SLC49A4: variants seen among roughly 807,000 people sequenced by gnomAD.
The protein encoded by SLC49A4 is solute carrier family 49 member 4, also known as disrupted in renal cancer protein 2.
Under a neutral mutation model 50.6 loss-of-function variants are expected in SLC49A4, and 36 were observed. The observed-to-expected ratio is 0.71, with a 90% confidence interval of 0.55 to 0.94. The LOEUF (loss-of-function observed/expected upper bound fraction) is 0.94. Among genes scored for constraint, SLC49A4 ranks in the 40% least tolerant of loss-of-function variants. The probability of loss-of-function intolerance (pLI) is 0.00; values close to 1 mark genes in which losing one functional copy is unlikely to be tolerated. For synonymous variants in SLC49A4, 248 were observed against 241.2 expected (o/e 1.03, Z -0.26); for missense variants, 503 against 605.7 (o/e 0.83, Z 1.78).
chr3:122,858,173 C>A (rs1427689499), intron 6 of SLC49A4, among the ~76,000 whole-genome samples: 2 of 152,204 alleles, frequency 1.3e-5, no homozygotes, highest in African/African-American at 2.4e-5. Context: ...GATACTTCTT[C>A]GTCCTAATAA....
At chr3:122,810,077 T>C (rs1936278569) in intron 2 of SLC49A4, among the ~76,000 whole-genome samples, 1 of 152,186 alleles carries the variant, frequency 6.6e-6, no homozygotes, top group African/African-American at 2.4e-5. Context: ...CAAGTCTGTG[T>C]TTTTGTGGCC....
intron 7 of SLC49A4, among the ~76,000 whole-genome samples, chr3:122,869,056 T>C (rs1228405609): frequency 6.6e-6 from 1 of 152,222 alleles, no homozygotes; most frequent in Non-Finnish European, 1.5e-5. Context: ...TCTGAGCTAA[T>C]GAGCTCACAA....
intron 7 of SLC49A4, among the ~76,000 whole-genome samples, chr3:122,867,228 C>T (rs1230490051): frequency 1.3e-5 from 2 of 152,178 alleles, no homozygotes; most frequent in Admixed American, 6.5e-5. Flanking sequence ...TGTGCAGTCA[C>T]TTCCAGCTTT....
intron 2 of SLC49A4, among the ~76,000 whole-genome samples, chr3:122,824,258 G>T (rs79431266): frequency 0.033 from 5,012 of 152,312 alleles, 122 homozygotes; most frequent in Middle Eastern, 0.071. Flanking sequence ...GGCCTCCCAA[G>T]TTCAAGGACC....
intron 7 of SLC49A4, among the ~76,000 whole-genome samples, chr3:122,867,916 C>T (rs959857754): frequency 1.3e-5 from 2 of 148,540 alleles, no homozygotes; most frequent in Non-Finnish European, 3.0e-5. Flanking sequence ...GAGATCGAGA[C>T]CATCCTGGCT....
intron 4 of SLC49A4, among the ~76,000 whole-genome samples, chr3:122,842,332 A>G (rs1936782184): frequency 6.6e-6 from 1 of 151,940 alleles, no homozygotes; most frequent in African/African-American, 2.4e-5. Context: ...TAAAAATACA[A>G]AAAATTAACC....
rs1936162197 is a variant in SLC49A4 at position 122,803,401 on chromosome 3, A to T, written c.344-3456A>T. ...AGGTTTCTGGAGTTGAGGAGGTAGGAAGAAGAGATGAGGTCTCATTAGGGG... is the reference window on the plus strand; with the variant it reads ...AGGTTTCTGGAGTTGAGGAGGTAGGTAGAAGAGATGAGGTCTCATTAGGGG... On this transcript the variant is annotated intron_variant, in intron 1 of 8. Transcript: ENST00000261038. Among the ~76,000 whole-genome samples the T allele has an allele frequency of 2.0e-5, 3 of 152,316 alleles. 1 individual carries two copies. The South Asian group carries it at 6.2e-4, about 32-fold the overall frequency.
intron 2 of SLC49A4, among the ~76,000 whole-genome samples, chr3:122,808,635 T>G (rs1936256507): frequency 6.6e-6 from 1 of 152,150 alleles, no homozygotes; most frequent in South Asian, 2.1e-4. Flanking sequence ...CAGCTTTTTC[T>G]GAGCTAGGAA....
intron 2 of SLC49A4, among the ~76,000 whole-genome samples, chr3:122,824,655 C>T (rs1489857733): frequency 1.3e-5 from 2 of 149,216 alleles, no homozygotes; most frequent in Non-Finnish European, 1.5e-5. Context: ...TTCCCTCCCT[C>T]CCTCTCGTCT....
intron 1 of SLC49A4, 116 bp from the exon 2 acceptor site, chr3:122,806,741 G>T: frequency 1.5e-5 from 9 of 600,114 alleles, no homozygotes; most frequent in Non-Finnish European, 2.4e-5. Context: ...AAGTTATACA[G>T]AAAAGCCATA....
intron 4 of SLC49A4, among the ~76,000 whole-genome samples, chr3:122,834,969 T>C (rs542040939): frequency 0.012 from 1,849 of 152,220 alleles, 40 homozygotes; most frequent in African/African-American, 0.04. Flanking sequence ...GATAAACTTC[T>C]GGAAACATAC....
At chr3:122,821,079 C>T (rs1216523757) in intron 2 of SLC49A4, among the ~76,000 whole-genome samples, 2 of 152,190 alleles carry the variant, frequency 1.3e-5, no homozygotes, top group African/African-American at 2.4e-5. Context: ...GGGCATTTCC[C>T]CTGCACACAC....
intron 6 of SLC49A4, among the ~76,000 whole-genome samples, chr3:122,859,331 A>ACACACT (rs1937028770): frequency 6.6e-6 from 1 of 152,206 alleles, no homozygotes; most frequent in Admixed American, 6.5e-5. Context: ...GGAGAACAGT[A>ACACACT]GAAGAAGAGA....
At position 122,816,135 on chromosome 3, in the gene SLC49A4, TG is replaced by T. The variant is rs1272291433; in HGVS notation, c.437+9188del. Among the ~76,000 whole-genome samples the T allele has an allele frequency of 4.6e-5, 7 of 152,264 alleles. No individual in the cohort carries two copies. The South Asian group carries it at 1.2e-3, about 27-fold the overall frequency. ...TGATGCCATCTGAAAAAAGTAGGCC[TG>T]GGAAGGAAAATATCACCCTTAACCT... On this transcript the variant is annotated intron_variant, in intron 2 of 8. Transcript: ENST00000261038.
rs183756928 is a variant in SLC49A4 at position 122,860,279 on chromosome 3, T to A, written c.1138+77T>A. 161 of 1,315,914 alleles carry A rather than the reference T, an allele frequency of 1.2e-4. 1 individual carries two copies. Among genetic ancestry groups the A allele is most frequent in the Admixed American group, 1.1e-3 (40 of 34,808 alleles). 81.5% of individuals were successfully genotyped at this position (1,315,914 alleles called of 1,614,324 possible). On this transcript the variant is annotated intron_variant, in intron 7 of 8. Transcript: ENST00000261038. ...TGTACATAACTCTGACAGTAGGACT[T>A]CTTCTTGCTTTCTGTAAGTAATTGT... is the stretch of plus-strand genomic sequence containing the variant.
intron 7 of SLC49A4, among the ~76,000 whole-genome samples, chr3:122,863,906 T>A (rs568185572): frequency 4.6e-5 from 7 of 152,214 alleles, no homozygotes; most frequent in Non-Finnish European, 2.9e-5. Flanking sequence ...GTCTTTTTTT[T>A]TTGAGACAGT....
intron 2 of SLC49A4, among the ~76,000 whole-genome samples, chr3:122,824,842 C>T (rs532262259): frequency 8.1e-4 from 121 of 148,694 alleles, no homozygotes; most frequent in Admixed American, 1.4e-3. Flanking sequence ...AAGTGATTCT[C>T]GCGCCTCAGC....
intron 4 of SLC49A4, among the ~76,000 whole-genome samples, chr3:122,843,498 A>C (rs1936803826): frequency 6.6e-6 from 1 of 152,240 alleles, no homozygotes; most frequent in South Asian, 2.1e-4. Context: ...TTTAAATAAT[A>C]ATTTGCTAAT....
intron 2 of SLC49A4, among the ~76,000 whole-genome samples, chr3:122,816,444 A>G (rs1325615462): frequency 6.6e-6 from 1 of 152,120 alleles, no homozygotes; most frequent in Non-Finnish European, 1.5e-5. Context: ...AAGCAGTGGT[A>G]TTGCTGCGGC....
Sources: allele counts gnomAD v4.1 joint callset (sites outside exome capture counted in the v4.1 genomes callset), GRCh38; gene constraint gnomAD v4.1.1; transcripts MANE v1.5; gene names NCBI Gene and HGNC (gene_info 2026-07-23, HGNC 2026-07-21).